IFT80: variants seen among roughly 807,000 people sequenced by gnomAD.
The protein encoded by IFT80 is intraflagellar transport protein 80 homolog.
Under a neutral mutation model 107.9 loss-of-function variants are expected in IFT80, and 79 were observed. The observed-to-expected ratio is 0.73, with a 90% CI of 0.61 to 0.88. The LOEUF is 0.88. Ranked by LOEUF, IFT80 falls within the 40% of genes least tolerant of loss-of-function variation. IFT80 has a pLI of 0.00. For missense variants in IFT80, 797 were observed against 914.2 expected (o/e 0.87, Z 1.65); for synonymous variants, 299 against 300.9 (o/e 0.99, Z 0.07).
intron 8 of IFT80, among the ~76,000 whole-genome samples, chr3:160,349,927 C>T (rs1183336653): frequency 6.6e-6 from 1 of 152,148 alleles, no homozygotes; most frequent in Non-Finnish European, 1.5e-5. Flanking sequence ...CGATGCCCTT[C>T]TTATCTTTCA....
intron 1 of IFT80, among the ~76,000 whole-genome samples, chr3:160,387,959 T>C (rs1280296313): frequency 6.6e-6 from 1 of 152,182 alleles, no homozygotes; most frequent in Non-Finnish European, 1.5e-5. Context: ...AAACAGATTT[T>C]AGAGCCAGTA....
At chr3:160,320,497 T>C (rs1245268353) in intron 8 of IFT80, among the ~76,000 whole-genome samples, 1 of 151,858 alleles carries the variant, frequency 6.6e-6, no homozygotes, top group African/African-American at 2.4e-5. Flanking sequence ...TCTGAGAAAG[T>C]TATCTAGAGA....
chr3:160,346,198 T>C (rs995216996), intron 8 of IFT80, among the ~76,000 whole-genome samples: 14 of 152,164 alleles, frequency 9.2e-5, no homozygotes, highest in African/African-American at 3.4e-4. Context: ...TTGCATAGCA[T>C]GGTTAATAAT....
At chr3:160,291,575 A>G (rs955283013) in intron 12 of IFT80, among the ~76,000 whole-genome samples, 2 of 152,212 alleles carry the variant, frequency 1.3e-5, no homozygotes, top group Non-Finnish European at 2.9e-5. Flanking sequence ...ACAACATTTT[A>G]TTTGTAAGGC....
At chr3:160,310,931 G>A (rs1717195817) in intron 9 of IFT80, among the ~76,000 whole-genome samples, 1 of 151,980 alleles carries the variant, frequency 6.6e-6, no homozygotes, top group Non-Finnish European at 1.5e-5. Context: ...ACCAGCCCAG[G>A]CAACAAGGTG....
intron 8 of IFT80, among the ~76,000 whole-genome samples, chr3:160,322,057 TAA>T (rs942361258): frequency 6.6e-6 from 1 of 151,168 alleles, no homozygotes; most frequent in Non-Finnish European, 1.5e-5. Flanking sequence ...TATTATACTT[TAA>T]GTTTTAGGGT....
At chr3:160,272,255 G>A (rs1713869529) in intron 18 of IFT80, among the ~76,000 whole-genome samples, 1 of 152,080 alleles carries the variant, frequency 6.6e-6, no homozygotes, top group African/African-American at 2.4e-5. Flanking sequence ...ACACTTATGA[G>A]TGAAACAGAG....
chr3:160,368,379 A>C (rs1035687938), intron 5 of IFT80, among the ~76,000 whole-genome samples: 19 of 138,766 alleles, frequency 1.4e-4, no homozygotes, highest in Non-Finnish European at 2.1e-4. Flanking sequence ...AAAAAAAAAA[A>C]CCCTGAAACA....
At chr3:160,348,143 TATTA>T (rs1720431249) in intron 8 of IFT80, among the ~76,000 whole-genome samples, 1 of 152,184 alleles carries the variant, frequency 6.6e-6, no homozygotes, top group Non-Finnish European at 1.5e-5. Context: ...TATATTTATT[TATTA>T]GTTAAATTGA....
intron 2 of IFT80, chr3:160,384,329 A>G: frequency 9.3e-7 from 1 of 1,071,556 alleles, no homozygotes; most frequent in Non-Finnish European, 1.2e-6. Context: ...ATAGTACTTA[A>G]GTAGAGTAAG....
chr3:160,274,069 G>A (rs1714042182), intron 18 of IFT80, among the ~76,000 whole-genome samples: 1 of 152,208 alleles, frequency 6.6e-6, no homozygotes, highest in African/African-American at 2.4e-5. Context: ...AGGGGGGCAT[G>A]CGGGGAACAG....
chr3:160,286,006 T>A, intron 12 of IFT80, 138 bp from the exon 13 acceptor site: 1 of 584,844 alleles, frequency 1.7e-6, no homozygotes, highest in South Asian at 2.4e-5. Context: ...CCAATTTTAA[T>A]TTATTAATGT....
Position 160,362,398 on chromosome 3 carries a change from G to C in IFT80, c.549+3645C>G, listed in dbSNP as rs142612570. 3.2e-4 allele frequency among the ~76,000 whole-genome samples: 48 copies of C among 152,260 alleles called. No individual in the cohort carries two copies. The East Asian group carries it at 8.5e-3, about 27-fold the overall frequency. On this transcript the variant is annotated intron_variant, in intron 6 of 19. Transcript: ENST00000326448. ...ATTAATAACCTACCAACCAAAAAAA[G>C]TCCAGGACCAGACAGATTCACAGCC...
At chr3:160,322,331 C>T (rs2108302160) in intron 8 of IFT80, among the ~76,000 whole-genome samples, 1 of 151,764 alleles carries the variant, frequency 6.6e-6, no homozygotes, top group East Asian at 1.9e-4. Flanking sequence ...TGATGATTTC[C>T]AATTTCATCC....
intron 12 of IFT80, among the ~76,000 whole-genome samples, chr3:160,295,382 A>G (rs1417435534): frequency 6.6e-6 from 1 of 152,154 alleles, no homozygotes; most frequent in Non-Finnish European, 1.5e-5. Flanking sequence ...AAGTGGGAGG[A>G]TCGCTTAAAC....
intron 8 of IFT80, among the ~76,000 whole-genome samples, chr3:160,322,465 T>G (rs1718314688): frequency 6.6e-6 from 1 of 152,086 alleles, no homozygotes; most frequent in African/African-American, 2.4e-5. Flanking sequence ...TTCCAAGTCT[T>G]TGCTATTGTG....
intron 1 of IFT80, among the ~76,000 whole-genome samples, chr3:160,396,292 T>C (rs1393051591): frequency 2.6e-5 from 4 of 152,148 alleles, no homozygotes; most frequent in African/African-American, 9.7e-5. Context: ...CTATATCTAA[T>C]TTATTAATCT....
At chr3:160,295,705 A>C (rs1715922228) in intron 12 of IFT80, among the ~76,000 whole-genome samples, 1 of 152,228 alleles carries the variant, frequency 6.6e-6, no homozygotes, top group South Asian at 2.1e-4. Flanking sequence ...TCCCATGTTC[A>C]TTGCAGCACT....
At chr3:160,324,316 G>C (rs947428543) in intron 8 of IFT80, among the ~76,000 whole-genome samples, 1 of 152,214 alleles carries the variant, frequency 6.6e-6, no homozygotes, top group South Asian at 2.1e-4. Flanking sequence ...GCCGGGTGGA[G>C]ACACAACCAA....
Sources: gnomAD v4.1 joint callset for allele counts (sites outside exome capture counted in the v4.1 genomes callset) on GRCh38, gnomAD v4.1.1 for gene constraint, MANE v1.5 for transcripts, NCBI Gene and HGNC (gene_info 2026-07-23, HGNC 2026-07-21) for gene names.